The following MTHFD1 variants were observed in gnomAD, a reference collection of about 807,000 sequenced individuals.
The protein encoded by MTHFD1 is C-1-tetrahydrofolate synthase, cytoplasmic.
Under a neutral mutation model 110.3 loss-of-function variants are expected in MTHFD1, and 44 were observed. The ratio of observed to expected loss-of-function variants is 0.40; its 90% CI spans 0.31 to 0.51. The LOEUF (loss-of-function observed/expected upper bound fraction) is 0.51. MTHFD1 is among the 20% of genes least tolerant of loss of function. The pLI is 0.60. For missense variants in MTHFD1, 909 were observed against 1,173.1 expected (o/e 0.77, Z 3.29); for synonymous variants, 402 against 428.8 (o/e 0.94, Z 0.77).
intron 7 of MTHFD1, 23 bp downstream of exon 7, chr14:64,418,047 A>G (rs2078038643): frequency 6.2e-7 from 1 of 1,614,050 alleles, no homozygotes; most frequent in Non-Finnish European, 8.5e-7. Flanking sequence ...GAGGAGAGGT[A>G]AAGGTGTTAC....
intron 1 of MTHFD1, chr14:64,390,297 T>C (rs2077793913): frequency 6.7e-6 from 1 of 150,026 alleles, no homozygotes; most frequent in Non-Finnish European, 1.5e-5. Flanking sequence ...TTAATGTATA[T>C]ATGAATGATT....
chr14:64,405,249 T>C (rs921408480), intron 2 of MTHFD1, among the ~76,000 whole-genome samples: 3 of 152,224 alleles, frequency 2.0e-5, no homozygotes, highest in Non-Finnish European at 2.9e-5. Flanking sequence ...GTATACCCTT[T>C]TTAAAGCAAC....
chr14:64,460,005 A>G lies in MTHFD1; in HGVS notation c.*251A>G. On this transcript the variant is annotated 3_prime_UTR_variant, in exon 28 of 28. Transcript: ENST00000652337. Reference sequence around the variant, plus strand: ...CAGAATAAAAGGAAACAAGTTTGCCATCTTGGTGTTGCAATATGAATTACA... The same window carrying G: ...CAGAATAAAAGGAAACAAGTTTGCCGTCTTGGTGTTGCAATATGAATTACA... 7.6e-7 allele frequency: 1 copy of G among 1,317,620 alleles called. No individual in the cohort carries two copies. Among genetic ancestry groups the G allele is most frequent in the Middle Eastern group, 1.8e-4 (1 of 5,412 alleles). 81.6% of individuals were successfully genotyped at this position (1,317,620 alleles called of 1,614,324 possible).
chr14:64,440,230 C>T lies in MTHFD1; in HGVS notation c.1779C>T (p.Ser593=), dbSNP rs754252327. 3 of 1,614,004 alleles carry T rather than the reference C, an allele frequency of 1.9e-6. No homozygotes were observed. Among genetic ancestry groups the T allele is most frequent in the Middle Eastern group, 1.6e-4 (1 of 6,084 alleles). ...GACTGGGCAAAATGGTGGTGGCATCCAGTAAGAAAGGAGAGCCCGTCAGTG... is the reference window on the plus strand; with the variant it reads ...GACTGGGCAAAATGGTGGTGGCATCTAGTAAGAAAGGAGAGCCCGTCAGTG... ...RERLGKMVVA[S]SKKGEPVSAE... is the part of the protein sequence containing the mutation. The change falls in exon 18 of 28, where the codon TCC becomes TCT. Residue 593 remains serine (S), a synonymous_variant. Coordinates refer to ENST00000652337, the MANE Select transcript of MTHFD1 (RefSeq NM_005956.4).
intron 23 of MTHFD1, 188 bp from the exon 24 acceptor site, chr14:64,449,257 A>C (rs2078333599): frequency 6.0e-6 from 4 of 661,526 alleles, no homozygotes; most frequent in Non-Finnish European, 1.1e-5. Flanking sequence ...GAGGCACATA[A>C]AGATTAGGTA....
chr14:64,424,687 A>T, intron 8 of MTHFD1, 117 bp from the exon 9 acceptor site: 1 of 1,076,082 alleles, frequency 9.3e-7, no homozygotes, highest in Non-Finnish European at 1.4e-6. Context: ...TAAGTTAAGT[A>T]GGCACTGGAG....
At chr14:64,419,790 G>A in intron 7 of MTHFD1, 24 bp from the exon 8 acceptor site, 1 of 1,474,624 alleles carries the variant, frequency 6.8e-7, no homozygotes. Flanking sequence ...TTTCATTTCT[G>A]ATGTCCAAAT....
At chr14:64,411,477 T>C (rs1410254997) in intron 3 of MTHFD1, among the ~76,000 whole-genome samples, 1 of 152,158 alleles carries the variant, frequency 6.6e-6, no homozygotes, top group African/African-American at 2.4e-5. Flanking sequence ...CGAAGATGAT[T>C]TCGAGTTCTC....
At chr14:64,434,754 C>A (rs1194852061) in intron 15 of MTHFD1, among the ~76,000 whole-genome samples, 5 of 151,934 alleles carry the variant, frequency 3.3e-5, no homozygotes, top group Non-Finnish European at 7.4e-5. Context: ...GTACACTTAT[C>A]CAGCAACGGC....
intron 19 of MTHFD1, 58 bp from the exon 20 acceptor site, chr14:64,441,996 G>A: frequency 9.0e-7 from 1 of 1,110,320 alleles, no homozygotes; most frequent in East Asian, 2.3e-5. Context: ...CGTTGAATGT[G>A]TGATCCCACT....
Position 64,431,799 on chromosome 14 carries a change from C to G in MTHFD1, c.1432C>G (p.Arg478Gly). 1 of 1,614,112 alleles carries G rather than the reference C, an allele frequency of 6.2e-7. No homozygotes were observed. The highest frequency in any genetic ancestry group is 8.5e-7 in the Non-Finnish European group (1 of 1,179,968). ...TCTTTTCTTTAAGGCTCTCTTTAAT[C>G]GTTTGGTGCCATCAGTAAATGGAGT... ...LTQTDKALFN[R>G]LVPSVNGVRR... Residue 478 changes from arginine (R) to glycine (G), a missense_variant, in exon 15 of 28, where the codon CGT (arginine) becomes GGT (glycine). Arg to Gly is a moderately radical substitution (Grantham distance 125). Around this residue, in one of 3 missense-constraint regions of MTHFD1, gnomAD observed 482 missense variants for 646.0 expected, o/e 0.75. Coordinates refer to ENST00000652337, the MANE Select transcript of MTHFD1 (RefSeq NM_005956.4).
chr14:64,426,594 C>T (rs1183480165), intron 11 of MTHFD1, among the ~76,000 whole-genome samples: 1 of 152,154 alleles, frequency 6.6e-6, no homozygotes, highest in Non-Finnish European at 1.5e-5. Context: ...CCTCAGCCTC[C>T]CGAGTAGCTG....
intron 9 of MTHFD1, 36 bp from the exon 10 acceptor site, chr14:64,425,694 A>G: frequency 6.5e-7 from 1 of 1,546,824 alleles, no homozygotes; most frequent in South Asian, 1.1e-5. Context: ...TAAAATAACC[A>G]CCTCTTCTAA....
In MTHFD1 at chr14:64,411,144, G is replaced by T; in HGVS notation, c.181G>T (p.Glu61Ter). 1 of 1,612,492 alleles carries T rather than the reference G, an allele frequency of 6.2e-7. No individual in the cohort carries two copies. The highest frequency in any genetic ancestry group is 8.5e-7 in the Non-Finnish European group (1 of 1,179,260). Residue 61 changes from glutamate to a stop codon, truncating the protein, a stop_gained, in exon 3 of 28, where the codon GAA becomes TAA. Coordinates refer to ENST00000652337, the MANE Select transcript of MTHFD1 (RefSeq NM_005956.4). LOFTEE classifies it high-confidence loss of function. Reference protein sequence around the residue: ...LYINVKLKAAEEIGIKATHIK... With the variant: ...LYINVKLKAA ...TATAAATGTGAAGCTGAAGGCTGCT[G>T]AAGAGGTAACGCCAGAAGAGCTGTG...
At chr14:64,425,644 T>G in intron 9 of MTHFD1, 86 bp from the exon 10 acceptor site, 1 of 1,103,624 alleles carries the variant, frequency 9.1e-7, no homozygotes, top group South Asian at 1.2e-5. Flanking sequence ...ATTTTGTGAT[T>G]GAACTGGAGT....
chr14:64,458,474 C>T (rs2078510282), intron 27 of MTHFD1, 167 bp downstream of exon 27: 3 of 661,964 alleles, frequency 4.5e-6, no homozygotes, highest in Non-Finnish European at 5.5e-6. Context: ...TGGCAATAAC[C>T]AATGAATTGA....
intron 8 of MTHFD1, among the ~76,000 whole-genome samples, chr14:64,421,351 G>A (rs573673030): frequency 6.6e-6 from 1 of 152,186 alleles, no homozygotes; most frequent in Non-Finnish European, 1.5e-5. Flanking sequence ...GGGAGTTATA[G>A]CTGGAAGTCT....
chr14:64,450,970 C>A (rs2078362365), intron 24 of MTHFD1, among the ~76,000 whole-genome samples: 1 of 152,072 alleles, frequency 6.6e-6, no homozygotes, highest in African/African-American at 2.4e-5. Context: ...GAGTTGGAGA[C>A]CAGCCTGGCC....
chr14:64,409,931 T>C (rs1387985605), intron 2 of MTHFD1, among the ~76,000 whole-genome samples: 1 of 152,184 alleles, frequency 6.6e-6, no homozygotes, highest in Non-Finnish European at 1.5e-5. Flanking sequence ...TAAAAGGAGC[T>C]GTGCTTCAGT....
Sources: gnomAD v4.1 joint callset for allele counts (sites outside exome capture counted in the v4.1 genomes callset) on GRCh38, gnomAD v4.1.1 for gene constraint, gnomAD v4.1.1 regional missense constraint, MANE v1.5 for transcripts, NCBI Gene and HGNC (gene_info 2026-07-23, HGNC 2026-07-21) for gene names.